POLR2F: variants seen among roughly 807,000 people sequenced by gnomAD.
POLR2F encodes the protein RNA polymerase II, I and III subunit F, also known as DNA-directed RNA polymerases I, II, and III subunit RPABC2.
Under a neutral mutation model 22.7 loss-of-function variants are expected in POLR2F, and 12 were observed. The observed-to-expected ratio is 0.53, with a 90% CI of 0.34 to 0.86. The LOEUF is 0.86. Among genes scored for constraint, POLR2F ranks in the 40% least tolerant of loss-of-function variants. POLR2F has a pLI of 0.02. For missense variants in POLR2F, 126 were observed against 171.5 expected (o/e 0.73, Z 1.48); for synonymous variants, 57 against 66.0 (o/e 0.86, Z 0.66).
chr22:37,975,338 C>T (rs1050814567), intron 4 of POLR2F, among the ~76,000 whole-genome samples: 3 of 152,088 alleles, frequency 2.0e-5, no homozygotes, highest in African/African-American at 7.2e-5. Context: ...AGGAGTCCAC[C>T]CGCTGCCTCA....
At chr22:38,041,388 G>A (rs1487317062), downstream of POLR2F, 2 of 409,014 alleles carry the variant, frequency 4.9e-6, no homozygotes, top group Non-Finnish European at 8.8e-6. Flanking sequence ...GATGTCTGGA[G>A]TCTAGGAGAG....
intron 1 of POLR2F, chr22:37,987,069 C>T: frequency 2.2e-6 from 1 of 456,744 alleles, no homozygotes; most frequent in Non-Finnish European, 4.4e-6. Flanking sequence ...CACCCCCCAT[C>T]ACCTCTCTGT....
At chr22:37,983,676 C>T (rs759762110), upstream of POLR2F, 1 of 1,566,550 alleles carries the variant, frequency 6.4e-7, no homozygotes, top group South Asian at 1.1e-5. The surrounding 1 kb of genome is among the most constrained non-coding windows in gnomAD (Gnocchi z 9.5). Context: ...GATCCGCCGC[C>T]GCCGCCGTCG....
rs1486327387 is a variant in POLR2F at position 38,031,880 on chromosome 22, G to A, written c.453-9188G>A. ...CCTTCATCCCCTATGGCTAGTCATC[G>A]GCCATGACAATTTTTCCTTCCAAAC... On this transcript the variant is annotated intron_variant, in intron 5 of 5. Coordinates refer to the POLR2F transcript ENST00000407936. This position sits in a 1 kb window ranked among gnomAD's most constrained non-coding sequence, Gnocchi z 4.1. Among the ~76,000 whole-genome samples, 5 of 152,018 alleles carry A rather than the reference G, an allele frequency of 3.3e-5. No homozygotes were observed. The highest frequency in any genetic ancestry group is 4.4e-5 in the Non-Finnish European group (3 of 68,026).
chr22:37,983,777 T>A, upstream of POLR2F: 5 of 1,453,362 alleles, frequency 3.4e-6, no homozygotes, highest in East Asian at 3.0e-5. The surrounding 1 kb of genome is among the most constrained non-coding windows in gnomAD (Gnocchi z 9.5). Flanking sequence ...GTCCTGCTCC[T>A]CCGCCATGTC....
At chr22:38,040,838 C>G (rs1002917025) in intron 5 of POLR2F, 1 of 603,226 alleles carries the variant, frequency 1.7e-6, no homozygotes. Flanking sequence ...GTCCTGCACA[C>G]GGTCAGCGCT....
chr22:37,967,792 A>G lies in POLR2F; in HGVS notation c.*77A>G. 6.5e-7 allele frequency: 1 copy of G among 1,529,870 alleles called. No homozygotes were observed. The highest frequency in any genetic ancestry group is 8.8e-7 in the Non-Finnish European group (1 of 1,141,122). The allele number at this position is 1,529,870 out of a possible 1,614,324, so 94.8% of individuals were successfully genotyped here. A position where few individuals can be genotyped will look rare whatever the true frequency, so the allele number is the denominator to read the frequency against. ...TATATGTGTAAATAATAAAATATTC[A>G]ACTTTCCAACCCCCTTCCCCTCTGC... is the stretch of plus-strand genomic sequence containing the variant. On this transcript the variant is annotated 3_prime_UTR_variant, in exon 5 of 5. Transcript: ENST00000442738.
In POLR2F at chr22:38,016,377, A is replaced by G. The variant is rs1277668952; in HGVS notation, c.121-9492A>G. ...TGTACCTCCACCAGCCGTCCCTGGG[A>G]TGCTCCAGGAAGTGCTGCGCTTGAC... On this transcript the variant is annotated intron_variant, in intron 1 of 2. Coordinates refer to the POLR2F transcript ENST00000333418. The surrounding 1 kb of genome is among the most constrained non-coding windows in gnomAD (Gnocchi z 4.4). Among the ~76,000 whole-genome samples the G allele has an allele frequency of 6.6e-6, 1 of 152,192 alleles. No individual in the cohort carries two copies. The highest frequency in any genetic ancestry group is 1.5e-5 in the Non-Finnish European group (1 of 68,022).
At chr22:38,035,827 G>A (rs1164281482) in intron 5 of POLR2F, among the ~76,000 whole-genome samples, 1 of 152,170 alleles carries the variant, frequency 6.6e-6, no homozygotes, top group African/African-American at 2.4e-5. Context: ...ACGTCTCAGA[G>A]CCCCCTTCCT....
upstream of POLR2F, among the ~76,000 whole-genome samples, chr22:37,981,867 G>T (rs1254292583): frequency 6.6e-6 from 1 of 152,216 alleles, no homozygotes; most frequent in African/African-American, 2.4e-5. Flanking sequence ...CCCTGGGTGA[G>T]CAGGGCACTG....
intron 1 of POLR2F, chr22:37,987,900 C>T (rs914581050): frequency 1.3e-5 from 2 of 153,416 alleles, no homozygotes; most frequent in African/African-American, 4.8e-5. Context: ...GGCAGTGCTT[C>T]TCAAATGGGA....
At chr22:37,957,625 G>A (rs1931451815) in intron 2 of POLR2F, among the ~76,000 whole-genome samples, 1 of 152,118 alleles carries the variant, frequency 6.6e-6, no homozygotes, top group Admixed American at 6.5e-5. Flanking sequence ...CTTTTCACTT[G>A]AGTCAGATGC....
chr22:37,987,957 A>G (rs974565698), intron 1 of POLR2F: 4 of 152,622 alleles, frequency 2.6e-5, no homozygotes, highest in African/African-American at 9.7e-5. Context: ...GAGGTTCTGC[A>G]TTTCTAATCA....
At chr22:37,987,383 G>A in intron 1 of POLR2F, 1 of 436,428 alleles carries the variant, frequency 2.3e-6, no homozygotes, top group Non-Finnish European at 4.7e-6. Context: ...GACACTGCCT[G>A]GCAGAGCTGC....
intron 1 of POLR2F, chr22:37,987,149 C>T (rs1569172991): frequency 2.2e-6 from 1 of 456,698 alleles, no homozygotes; most frequent in East Asian, 6.9e-5. Context: ...CCTGCCTTCT[C>T]TCAGGGTGTT....
chr22:38,034,613 G>A lies in POLR2F; in HGVS notation c.453-6455G>A, dbSNP rs1317606098. Among the ~76,000 whole-genome samples the A allele has an allele frequency of 2.0e-5, 3 of 152,148 alleles. No individual in the cohort carries two copies. In the East Asian group the frequency reaches 5.8e-4, roughly 29 times the overall value. On this transcript the variant is annotated intron_variant, in intron 5 of 5. Transcript: ENST00000407936. ...CGCTGACACCAGCCGTGCAGCCCTG[G>A]ACCCCTCTCTGAGCCTCAATGTCCC...
downstream of POLR2F, chr22:37,974,099 C>T (rs756628609): frequency 1.9e-6 from 3 of 1,613,852 alleles, no homozygotes; most frequent in Admixed American, 5.0e-5. The surrounding 1 kb of genome is among the most constrained non-coding windows in gnomAD (Gnocchi z 5.4). Context: ...AGGCTTCCCG[C>T]CCTCCCCCAT....
chr22:38,040,977 A>T, intron 5 of POLR2F: 1 of 1,595,610 alleles, frequency 6.3e-7, no homozygotes. Flanking sequence ...GACGTTGATC[A>T]AAGGCTGAAG....
At chr22:37,963,899 C>T (rs1043285755) in intron 3 of POLR2F, among the ~76,000 whole-genome samples, 17 of 152,016 alleles carry the variant, frequency 1.1e-4, no homozygotes, top group African/African-American at 3.6e-4. Flanking sequence ...GTCAGGAGTT[C>T]GAGAGCAGCC....
Sources: gnomAD v4.1 joint callset for allele counts (sites outside exome capture counted in the v4.1 genomes callset) on GRCh38, gnomAD v4.1.1 for gene constraint, Gnocchi (gnomAD v3.1) non-coding constraint, MANE v1.5 for transcripts, NCBI Gene and HGNC (gene_info 2026-07-23, HGNC 2026-07-21) for gene names.